The following RAB3GAP2 variants were observed in gnomAD, a reference collection of about 807,000 sequenced individuals.
RAB3GAP2 encodes rab3 GTPase-activating protein non-catalytic subunit.
Under a neutral mutation model 185.3 loss-of-function variants are expected in RAB3GAP2, and 87 were observed. The ratio of observed to expected loss-of-function variants is 0.47; its 90% CI spans 0.39 to 0.56. The LOEUF (loss-of-function observed/expected upper bound fraction) is 0.56, where lower values mean the gene tolerates loss of function less well. RAB3GAP2 is among the 20% of genes least tolerant of loss of function. The probability of loss-of-function intolerance (pLI) is 0.00; values close to 1 mark genes in which losing one functional copy is unlikely to be tolerated. For synonymous variants in RAB3GAP2, 554 were observed against 576.1 expected (o/e 0.96, Z 0.55); for missense variants, 1,492 against 1,638.2 (o/e 0.91, Z 1.54).
At chr1:220,214,070 A>T in intron 2 of RAB3GAP2, 91 bp from the exon 3 acceptor site, 1 of 1,270,030 alleles carries the variant, frequency 7.9e-7, no homozygotes, top group Non-Finnish European at 1.1e-6. Flanking sequence ...AGGGAAGAAA[A>T]AAAAGAAAAG....
Position 220,182,213 on chromosome 1 carries a change from C to T in RAB3GAP2, c.2310+44G>A, listed in dbSNP as rs373129616. On this transcript the variant is annotated intron_variant, in intron 21 of 34. Coordinates refer to ENST00000358951, the MANE Select transcript of RAB3GAP2 (RefSeq NM_012414.4). ...AAAGAAGACTGACACTTCTGGGTGACATTCACAAGGAAGAACAGCATCCAG... is the reference window on the plus strand; with the variant it reads ...AAAGAAGACTGACACTTCTGGGTGATATTCACAAGGAAGAACAGCATCCAG... The T allele has an allele frequency of 2.8e-4, 455 of 1,612,252 alleles. 4 individuals carry two copies. The highest frequency in any genetic ancestry group is 1.4e-3 in the Admixed American group (84 of 59,912).
Position 220,202,461 on chromosome 1 carries a change from A to G in RAB3GAP2, c.713-87T>C, listed in dbSNP as rs1658880661. 4 of 1,378,660 alleles carry G rather than the reference A, an allele frequency of 2.9e-6. No individual in the cohort carries two copies. In the South Asian group the frequency reaches 3.6e-5, roughly 12 times the overall value. 85.4% of individuals were successfully genotyped at this position (1,378,660 alleles called of 1,614,324 possible). ...AACATTAAAACCATACTAATTTGTT[A>G]TTCTAAAATTTCAGCTAATAATGAC... On this transcript the variant is annotated intron_variant, in intron 8 of 34. Transcript: ENST00000358951.
intron 2 of RAB3GAP2, among the ~76,000 whole-genome samples, chr1:220,218,338 C>T (rs1659237467): frequency 6.6e-6 from 1 of 152,104 alleles, no homozygotes; most frequent in African/African-American, 2.4e-5. Flanking sequence ...CTGAGCATTA[C>T]ATATTATAAA....
intron 9 of RAB3GAP2, among the ~76,000 whole-genome samples, chr1:220,198,505 G>A (rs1658772126): frequency 6.6e-6 from 1 of 152,020 alleles, no homozygotes; most frequent in Non-Finnish European, 1.5e-5. Flanking sequence ...CTGAATTTAG[G>A]GGGCTTTTAT....
intron 2 of RAB3GAP2, among the ~76,000 whole-genome samples, chr1:220,232,012 G>C (rs914991645): frequency 1.3e-5 from 2 of 152,116 alleles, no homozygotes; most frequent in Admixed American, 1.3e-4. Context: ...ATTAAAGTTA[G>C]ATTTTTTTAT....
At chr1:220,179,438 C>T (rs1349654911) in intron 21 of RAB3GAP2, among the ~76,000 whole-genome samples, 1 of 152,024 alleles carries the variant, frequency 6.6e-6, no homozygotes, top group African/African-American at 2.4e-5. Context: ...AGGTCTTCAA[C>T]CTCACTTTCA....
chr1:220,221,498 G>A (rs1022994184), intron 2 of RAB3GAP2, among the ~76,000 whole-genome samples: 28 of 152,054 alleles, frequency 1.8e-4, no homozygotes, highest in African/African-American at 5.3e-4. Context: ...AATAAAACTT[G>A]CTTTTATAAA....
rs558536683 is a variant in RAB3GAP2, at chr1:220,257,455, C to T, written c.115+14768G>A. Among the ~76,000 whole-genome samples the T allele has an allele frequency of 1.3e-4, 20 of 151,668 alleles. No homozygotes were observed. In the South Asian group the frequency reaches 1.5e-3, roughly 11 times the overall value. On this transcript the variant is annotated intron_variant, in intron 1 of 34. Coordinates refer to ENST00000358951, the MANE Select transcript of RAB3GAP2 (RefSeq NM_012414.4). The stretch of plus-strand genomic sequence containing the variant: ...ACCACACAACCAGAAGCAAATTGAA[C>T]AACCTGCTCCTGAATGACTTTTGGG...
intron 24 of RAB3GAP2, among the ~76,000 whole-genome samples, chr1:220,170,324 G>T (rs536838169): frequency 2.0e-5 from 3 of 152,156 alleles, no homozygotes; most frequent in African/African-American, 7.2e-5. Context: ...GTCGATGATG[G>T]GTTGATGGGT....
intron 1 of RAB3GAP2, among the ~76,000 whole-genome samples, chr1:220,258,148 T>C (rs1344582862): frequency 6.6e-6 from 1 of 152,144 alleles, no homozygotes; most frequent in African/African-American, 2.4e-5. Context: ...ACAGTGGAAT[T>C]CTTCCAGAGG....
At chr1:220,171,756 T>A in intron 23 of RAB3GAP2, 133 bp downstream of exon 23, 1 of 946,494 alleles carries the variant, frequency 1.1e-6, no homozygotes, top group Non-Finnish European at 1.7e-6. Context: ...TCATTCTCAA[T>A]AAAGAAATTA....
intron 24 of RAB3GAP2, among the ~76,000 whole-genome samples, chr1:220,169,557 G>A (rs191900814): frequency 2.6e-5 from 4 of 152,314 alleles, no homozygotes; most frequent in African/African-American, 9.6e-5. Context: ...AAGAGGATAG[G>A]TCCAGATCTA....
At chr1:220,173,074 C>T (rs1467475987) in intron 21 of RAB3GAP2, among the ~76,000 whole-genome samples, 7 of 152,122 alleles carry the variant, frequency 4.6e-5, no homozygotes, top group Non-Finnish European at 7.4e-5. Context: ...TGTTGATGAA[C>T]GAGGTGCCAC....
chr1:220,266,898 T>A (rs1660236578), intron 1 of RAB3GAP2: 2 of 1,591,108 alleles, frequency 1.3e-6, no homozygotes, highest in Non-Finnish European at 1.7e-6. Flanking sequence ...CCCGTGATAT[T>A]CTTTTGTAGG....
chr1:220,180,954 T>C (rs1658392787), intron 21 of RAB3GAP2, among the ~76,000 whole-genome samples: 1 of 152,242 alleles, frequency 6.6e-6, no homozygotes, highest in Admixed American at 6.5e-5. Flanking sequence ...AAAAAAAAGA[T>C]GGACGGTTCC....
At chr1:220,170,397 C>A (rs1452588645) in intron 24 of RAB3GAP2, among the ~76,000 whole-genome samples, 1 of 152,004 alleles carries the variant, frequency 6.6e-6, no homozygotes, top group African/African-American at 2.4e-5. Context: ...GCATATGTAT[C>A]CCATAACTTA....
chr1:220,189,181 C>T (rs576689095), intron 17 of RAB3GAP2, among the ~76,000 whole-genome samples: 1 of 151,736 alleles, frequency 6.6e-6, no homozygotes, highest in African/African-American at 2.4e-5. Flanking sequence ...CACATATTTA[C>T]TATTTTATAT....
chr1:220,189,953 A>AT, intron 16 of RAB3GAP2, 111 bp downstream of exon 16: 1 of 1,106,102 alleles, frequency 9.0e-7, no homozygotes, highest in Non-Finnish European at 1.4e-6. Flanking sequence ...TTACAGAGCA[A>AT]TTCCAATAAG....
At chr1:220,163,761 A>ATATATG (rs1658011619) in intron 27 of RAB3GAP2, among the ~76,000 whole-genome samples, 1 of 145,922 alleles carries the variant, frequency 6.9e-6, no homozygotes, top group African/African-American at 2.5e-5. Context: ...ATATATATAT[A>ATATATG]TATATATATA....
Sources: gnomAD v4.1 joint callset for allele counts (sites outside exome capture counted in the v4.1 genomes callset) on GRCh38, gnomAD v4.1.1 for gene constraint, MANE v1.5 for transcripts, NCBI Gene and HGNC (gene_info 2026-07-23, HGNC 2026-07-21) for gene names.